Variants in FRAS1 observed in about 807,000 individuals in gnomAD.
FRAS1 encodes the protein extracellular matrix organizing protein FRAS1.
In FRAS1, 290 loss-of-function variants were observed where a neutral mutation model predicts 435.2. The observed-to-expected ratio is 0.67, with a 90% confidence interval of 0.61 to 0.73. FRAS1 has a LOEUF of 0.73. Ranked by LOEUF, FRAS1 falls within the 30% of genes least tolerant of loss-of-function variation. The probability of loss-of-function intolerance (pLI) is 0.00; values close to 1 mark genes in which losing one functional copy is unlikely to be tolerated. For synonymous variants in FRAS1, 1,800 were observed against 1,851.0 expected (o/e 0.97, Z 0.71); for missense variants, 4,860 against 5,001.5 (o/e 0.97, Z 0.85).
At chr4:78,123,899 A>T (rs1719179504) in intron 2 of FRAS1, among the ~76,000 whole-genome samples, 2 of 152,302 alleles carry the variant, frequency 1.3e-5, no homozygotes, top group Admixed American at 6.5e-5. Context: ...GGTTTTTTAA[A>T]CATACAATCA....
rs57486297 is a variant in FRAS1 at position 78,191,017 on chromosome 4, C to T, written c.109-46493C>T. 8.8e-3 allele frequency among the ~76,000 whole-genome samples: 1,336 copies of T among 152,268 alleles called. 17 individuals are homozygous for T. Among genetic ancestry groups the T allele is most frequent in the African/African-American group, 0.03 (1,234 of 41,548 alleles). The stretch of plus-strand genomic sequence containing the variant: ...CCAGAGCTCACTTGCTGTCTCCATA[C>T]GTGCACACTGAAAAACACTCAGTGA... On this transcript the variant is annotated intron_variant, in intron 2 of 73. Coordinates refer to ENST00000512123, the MANE Select transcript of FRAS1 (RefSeq NM_025074.7).
At position 78,511,320 on chromosome 4, in the gene FRAS1, T is replaced by C. The variant is rs78006948; in HGVS notation, c.9827T>C (p.Val3276Ala). The C allele has an allele frequency of 1.0e-3, 1,641 of 1,610,356 alleles. 1 individual carries two copies. The highest frequency in any genetic ancestry group is 1.3e-3 in the Non-Finnish European group (1,575 of 1,177,066). Residue 3276 changes from valine to alanine, a missense_variant, in exon 64 of 74, where the codon GTG becomes GCG. Val to Ala is a moderately conservative substitution (Grantham distance 64, BLOSUM62 0). Coordinates refer to ENST00000512123, the MANE Select transcript of FRAS1 (RefSeq NM_025074.7). ...AGCCGGAGGTTCCATGTGCGTTGTG[T>C]GGCCAAGGCTGTGGACAAGGTGGGC... ...YFSRRFHVRC[V>A]AKAVDKVGHV...
At chr4:78,312,831 G>A (rs1444502190) in intron 15 of FRAS1, among the ~76,000 whole-genome samples, 1 of 137,838 alleles carries the variant, frequency 7.3e-6, no homozygotes, top group African/African-American at 2.8e-5. Context: ...GACCCTGTCT[G>A]AAAGAAAGAA....
At chr4:78,247,049 A>G (rs909439515) in intron 4 of FRAS1, among the ~76,000 whole-genome samples, 19 of 152,182 alleles carry the variant, frequency 1.2e-4, no homozygotes, top group Non-Finnish European at 2.2e-4. Flanking sequence ...CTTTTCTCCA[A>G]CTTCTCTATG....
chr4:78,095,131 T>C (rs778388037), intron 2 of FRAS1, among the ~76,000 whole-genome samples: 11 of 152,214 alleles, frequency 7.2e-5, no homozygotes, highest in Non-Finnish European at 1.5e-4. Context: ...ACTTGTCCGG[T>C]TGACTGGATA....
In FRAS1 at chr4:78,475,568, C is replaced by T. The variant is rs778764694; in HGVS notation, c.7813C>T (p.Gln2605Ter). ...TASSSSRVSS[Q>*]PGQQDYVEYA... ...CAGCTCCAGCTCCAGGGTCAGCTCC[C>T]AACCTGGGCAACAGGACTATGTAGA... The change falls in exon 54 of 74, where the codon CAA becomes TAA. Residue 2605 changes from glutamine to a stop codon, truncating the protein, a stop_gained. Coordinates refer to ENST00000512123, the MANE Select transcript of FRAS1 (RefSeq NM_025074.7). LOFTEE classifies it high-confidence loss of function. 6.2e-7 allele frequency: 1 copy of T among 1,613,070 alleles called. No homozygotes were observed. Among genetic ancestry groups the T allele is most frequent in the Non-Finnish European group, 8.5e-7 (1 of 1,179,382 alleles).
chr4:78,301,771 CA>C (rs1433776002), intron 14 of FRAS1, among the ~76,000 whole-genome samples: 1 of 150,262 alleles, frequency 6.7e-6, no homozygotes, highest in African/African-American at 2.4e-5. Flanking sequence ...TCCCATTTCT[CA>C]AAAGCTTCTG....
At chr4:78,506,470 C>T (rs528894251) in intron 61 of FRAS1, among the ~76,000 whole-genome samples, 118 of 152,348 alleles carry the variant, frequency 7.7e-4, no homozygotes, top group African/African-American at 2.7e-3. Context: ...GACACCCCTC[C>T]CCCAGCCAGG....
chr4:78,165,078 C>T (rs949010124), intron 2 of FRAS1, among the ~76,000 whole-genome samples: 16 of 152,136 alleles, frequency 1.1e-4, no homozygotes, highest in African/African-American at 3.6e-4. Flanking sequence ...ATGAATTATG[C>T]TAGAATTCAG....
chr4:78,068,012 G>C (rs1740137763), intron 2 of FRAS1, among the ~76,000 whole-genome samples: 1 of 151,746 alleles, frequency 6.6e-6, no homozygotes. Context: ...TCAAGCCTGA[G>C]ATACTTGTTA....
At position 78,430,584 on chromosome 4, in the gene FRAS1, G is replaced by A. The variant is rs17003214; in HGVS notation, c.4969+167G>A. Among the ~76,000 whole-genome samples the A allele has an allele frequency of 6.5e-3, 983 of 152,228 alleles. 35 individuals carry two copies. Among genetic ancestry groups the A allele is most frequent in the Admixed American group, 0.053 (811 of 15,294 alleles). ...GCTTTGATATTTGAGACTTCTTCGT[G>A]TTCCCACTTCCATCCCTGCCCCACA... is the stretch of plus-strand genomic sequence containing the variant. On this transcript the variant is annotated intron_variant, in intron 37 of 73. Transcript: ENST00000512123.
intron 1 of FRAS1, among the ~76,000 whole-genome samples, chr4:78,059,973 T>A (rs1739681938): frequency 6.6e-6 from 1 of 152,140 alleles, no homozygotes; most frequent in Non-Finnish European, 1.5e-5. Context: ...TTGACTTTAC[T>A]GTCAGAGCAT....
intron 2 of FRAS1, among the ~76,000 whole-genome samples, chr4:78,207,470 A>G (rs1351663371): frequency 6.6e-6 from 1 of 152,234 alleles, no homozygotes; most frequent in African/African-American, 2.4e-5. Flanking sequence ...TAATCATGGT[A>G]CCTCTACATA....
At chr4:78,435,740 G>GA (rs34135859) in intron 38 of FRAS1, among the ~76,000 whole-genome samples, 5,048 of 137,386 alleles carry the variant, frequency 0.037, 260 homozygotes, top group African/African-American at 0.12. Flanking sequence ...TCTGTCTCAA[G>GA]AAAAAAAAAA....
At chr4:78,466,023 G>A (rs751678286) in intron 49 of FRAS1, among the ~76,000 whole-genome samples, 185 bp from the exon 50 acceptor site, 6 of 152,126 alleles carry the variant, frequency 3.9e-5, no homozygotes, top group Non-Finnish European at 7.3e-5. Flanking sequence ...GAATATAAGC[G>A]CAATTGTAGC....
intron 29 of FRAS1, among the ~76,000 whole-genome samples, chr4:78,398,863 A>T (rs2110343017): frequency 6.6e-6 from 1 of 152,248 alleles, no homozygotes; most frequent in South Asian, 2.1e-4. Context: ...GGCACCTATA[A>T]TCCCAGCTAC....
At chr4:78,116,659 CT>C (rs1382105448) in intron 2 of FRAS1, among the ~76,000 whole-genome samples, 1 of 152,166 alleles carries the variant, frequency 6.6e-6, no homozygotes, top group Non-Finnish European at 1.5e-5. Flanking sequence ...CAATCCCTGC[CT>C]TTTTTTGTTT....
chr4:78,109,431 A>G (rs1742578000), intron 2 of FRAS1, among the ~76,000 whole-genome samples: 1 of 151,704 alleles, frequency 6.6e-6, no homozygotes, highest in Non-Finnish European at 1.5e-5. Flanking sequence ...CCTGGGATGC[A>G]AGGCTGGTTC....
At chr4:78,070,632 G>A (rs1340179193) in intron 2 of FRAS1, 1 of 152,172 alleles carries the variant, frequency 6.6e-6, no homozygotes, top group African/African-American at 2.4e-5. Flanking sequence ...ATCCATCAGA[G>A]GGAAACTACC....
Sources: gnomAD v4.1 joint callset for allele counts (sites outside exome capture counted in the v4.1 genomes callset) on GRCh38, gnomAD v4.1.1 for gene constraint, MANE v1.5 for transcripts, NCBI Gene and HGNC (gene_info 2026-07-23, HGNC 2026-07-21) for gene names.